CMIP: variants seen among roughly 807,000 people sequenced by gnomAD.
CMIP encodes the protein c-Maf inducing protein.
In CMIP, 13 loss-of-function variants were observed where a neutral mutation model predicts 97.3. That is an observed-to-expected ratio of 0.13 (90% CI 0.09 to 0.21). The LOEUF is 0.21. Ranked by LOEUF, CMIP falls within the 10% of genes least tolerant of loss-of-function variation. The probability of loss-of-function intolerance (pLI) is 1.00; values close to 1 mark genes in which losing one functional copy is unlikely to be tolerated. For synonymous variants in CMIP, 538 were observed against 436.3 expected, an observed-to-expected ratio of 1.23 and a Z score of -2.91; for missense variants, 847 against 1,024.9, an observed-to-expected ratio of 0.83 and a Z score of 2.37.
intron 3 of CMIP, among the ~76,000 whole-genome samples, chr16:81,642,540 G>A (rs189559439): frequency 1.3e-5 from 2 of 152,236 alleles, no homozygotes; most frequent in African/African-American, 4.8e-5. Context: ...TGCAGTTGAG[G>A]CACGGGGACA....
At chr16:81,536,403 C>G (rs889176560) in intron 1 of CMIP, among the ~76,000 whole-genome samples, 1 of 152,090 alleles carries the variant, frequency 6.6e-6, no homozygotes, top group Admixed American at 6.5e-5. Context: ...GTCATTAACT[C>G]GGGGGCATTA....
At chr16:81,615,905 C>T (rs1376187181) in intron 2 of CMIP, among the ~76,000 whole-genome samples, 3 of 152,082 alleles carry the variant, frequency 2.0e-5, no homozygotes, top group Non-Finnish European at 4.4e-5. Flanking sequence ...TCATTGTTAC[C>T]GTGGACAAAC....
In CMIP at chr16:81,486,491, C is replaced by T. The variant is rs554026953; in HGVS notation, c.300+40950C>T. On this transcript the variant is annotated intron_variant, in intron 1 of 20. Transcript: ENST00000537098. ...ACTAGGAAATTGCACTTCGGGTCCT[C>T]GCTGGAGTTCATTCAGGAGGGGTGC... is the stretch of plus-strand genomic sequence containing the variant. 3.9e-5 allele frequency among the ~76,000 whole-genome samples: 6 copies of T among 152,314 alleles called. No individual in the cohort carries two copies. In the East Asian group the frequency reaches 7.7e-4, roughly 20 times the overall value.
intron 1 of CMIP, among the ~76,000 whole-genome samples, chr16:81,526,279 T>A (rs2090132100): frequency 6.6e-6 from 1 of 152,208 alleles, no homozygotes; most frequent in Non-Finnish European, 1.5e-5. Flanking sequence ...AACTTGGATG[T>A]GGCATTTTAA....
chr16:81,615,087 T>C (rs896281479), intron 2 of CMIP, among the ~76,000 whole-genome samples: 18 of 123,834 alleles, frequency 1.5e-4, no homozygotes, highest in African/African-American at 4.4e-4. Context: ...GGTATGTCTT[T>C]GTGTGTATGA....
intron 17 of CMIP, among the ~76,000 whole-genome samples, chr16:81,703,476 GACAC>G (rs1194857638): frequency 6.6e-6 from 1 of 151,816 alleles, no homozygotes; most frequent in Admixed American, 6.6e-5. Context: ...CACAGACACA[GACAC>G]ACAGAGACAC....
chr16:81,653,990 A>G (rs950889532), intron 4 of CMIP, among the ~76,000 whole-genome samples: 6 of 152,170 alleles, frequency 3.9e-5, no homozygotes, highest in Non-Finnish European at 8.8e-5. Flanking sequence ...TGCCCAACTC[A>G]CGTGGCAAGT....
intron 5 of CMIP, among the ~76,000 whole-genome samples, chr16:81,659,052 A>G (rs559123747): frequency 6.6e-6 from 1 of 152,330 alleles, no homozygotes; most frequent in South Asian, 2.1e-4. Context: ...TGCTAACGCT[A>G]ACAGTATAGA....
chr16:81,597,385 C>A (rs1322391506), intron 1 of CMIP, among the ~76,000 whole-genome samples: 9 of 152,186 alleles, frequency 5.9e-5, no homozygotes, highest in Non-Finnish European at 1.3e-4. Flanking sequence ...TAGACAAAGG[C>A]CAGGGCGTGA....
At chr16:81,480,432 C>G (rs541101334) in intron 1 of CMIP, among the ~76,000 whole-genome samples, 2 of 152,198 alleles carry the variant, frequency 1.3e-5, no homozygotes, top group Admixed American at 6.5e-5. Context: ...CCTAGCTACT[C>G]AGGAGGCTGA....
At chr16:81,605,391 C>G (rs1447542441) in intron 1 of CMIP, among the ~76,000 whole-genome samples, 2 of 152,082 alleles carry the variant, frequency 1.3e-5, no homozygotes, top group African/African-American at 4.8e-5. Context: ...GTCCAGGCAG[C>G]CTTGTCGCTC....
intron 1 of CMIP, among the ~76,000 whole-genome samples, chr16:81,598,215 C>T (rs1458521186): frequency 6.6e-6 from 1 of 151,880 alleles, no homozygotes. Flanking sequence ...AGGAGGGTAT[C>T]GCCTACAACA....
intron 3 of CMIP, chr16:81,645,319 C>G (rs1348279772): frequency 6.1e-6 from 8 of 1,318,550 alleles, no homozygotes. Context: ...GCAGCGTCCT[C>G]TCTTCACGAC....
intron 3 of CMIP, among the ~76,000 whole-genome samples, chr16:81,625,037 T>C (rs13380430): frequency 0.14 from 20,895 of 152,206 alleles, 3,427 homozygotes; most frequent in African/African-American, 0.38. Context: ...TGGGGAAACC[T>C]GAGTGTAGAG....
At chr16:81,511,055 A>G (rs1248533063) in intron 1 of CMIP, among the ~76,000 whole-genome samples, 4 of 152,132 alleles carry the variant, frequency 2.6e-5, no homozygotes, top group Admixed American at 1.3e-4. Context: ...TACTGAGAGC[A>G]TGGGGGAGTA....
Position 81,569,709 on chromosome 16 carries a change from G to T in CMIP, c.301-37858G>T, listed in dbSNP as rs72829059. 3.4e-3 allele frequency among the ~76,000 whole-genome samples: 512 copies of T among 152,334 alleles called. 4 individuals carry two copies. The highest frequency in any genetic ancestry group is 5.7e-3 in the Non-Finnish European group (387 of 68,028). ...TAAATGCAGAGTTTGGAAAAGATGG[G>T]CACAGTTGGCTTCTGGGAGCTGGAA... is the stretch of plus-strand genomic sequence containing the variant. On this transcript the variant is annotated intron_variant, in intron 1 of 20. Coordinates refer to ENST00000537098, the MANE Select transcript of CMIP (RefSeq NM_198390.3).
chr16:81,684,852 C>T (rs1905222386), intron 10 of CMIP, among the ~76,000 whole-genome samples: 1 of 152,228 alleles, frequency 6.6e-6, no homozygotes, highest in Non-Finnish European at 1.5e-5. Flanking sequence ...TCAGGTCGCT[C>T]ACACCCTGCC....
chr16:81,660,767 C>T, intron 5 of CMIP, 117 bp from the exon 6 acceptor site: 2 of 1,037,100 alleles, frequency 1.9e-6, no homozygotes, highest in East Asian at 2.4e-5. Flanking sequence ...TGATGTGATG[C>T]AGGATGTGTT....
At chr16:81,644,353 A>T (rs1017189568) in intron 3 of CMIP, among the ~76,000 whole-genome samples, 1 of 152,148 alleles carries the variant, frequency 6.6e-6, no homozygotes, top group Non-Finnish European at 1.5e-5. Flanking sequence ...GTGGGCTAGC[A>T]GGCATGGGGA....
Sources: gnomAD v4.1 joint callset for allele counts (sites outside exome capture counted in the v4.1 genomes callset) on GRCh38, gnomAD v4.1.1 for gene constraint, MANE v1.5 for transcripts, NCBI Gene and HGNC (gene_info 2026-07-23, HGNC 2026-07-21) for gene names.